The following SH3PXD2A variants were observed in gnomAD, a reference collection of about 807,000 sequenced individuals.
SH3PXD2A encodes the protein SH3 and PX domain-containing protein 2A.
In SH3PXD2A, 32 loss-of-function variants were observed where a neutral mutation model predicts 115.2. That is an observed-to-expected ratio of 0.28 (90% CI 0.21 to 0.37). The LOEUF is 0.37. Among genes scored for constraint, SH3PXD2A ranks in the 10% least tolerant of loss-of-function variants. SH3PXD2A has a pLI of 1.00. For missense variants in SH3PXD2A, 1,328 were observed against 1,498.7 expected (o/e 0.89, Z 1.88); for synonymous variants, 610 against 629.1 (o/e 0.97, Z 0.45).
chr10:103,753,166 T>C (rs77261516), intron 3 of SH3PXD2A, among the ~76,000 whole-genome samples: 7,722 of 151,758 alleles, frequency 0.051, 337 homozygotes, highest in Non-Finnish European at 0.073. Context: ...CAATCCCACT[T>C]TGTGGCAAGG....
At chr10:103,734,013 C>T (rs945492764) in intron 4 of SH3PXD2A, among the ~76,000 whole-genome samples, 2 of 152,056 alleles carry the variant, frequency 1.3e-5, no homozygotes, top group Non-Finnish European at 2.9e-5. Flanking sequence ...TGCAACAGCT[C>T]TGTATGAGGA....
In SH3PXD2A at chr10:103,631,847, G is replaced by A. The variant is rs181951502; in HGVS notation, c.605-4645C>T. Among the ~76,000 whole-genome samples, 8 of 152,238 alleles carry A rather than the reference G, an allele frequency of 5.3e-5. No homozygotes were observed. In the East Asian group the frequency reaches 1.5e-3, roughly 29 times the overall value. The stretch of plus-strand genomic sequence containing the variant: ...TAATGTCAGTAGCGGTCAGGTGGGG[G>A]TGGCTCATGCCTGTAATCCCAGCAC... On this transcript the variant is annotated intron_variant, in intron 8 of 14. Transcript: ENST00000369774.
intron 2 of SH3PXD2A, among the ~76,000 whole-genome samples, chr10:103,798,179 A>G (rs949441615): frequency 1.3e-5 from 2 of 152,156 alleles, no homozygotes; most frequent in Non-Finnish European, 2.9e-5. Flanking sequence ...ACAGGGGGGA[A>G]CCAAGGGTCT....
chr10:103,782,481 G>A (rs1199218741), intron 2 of SH3PXD2A, among the ~76,000 whole-genome samples: 1 of 152,166 alleles, frequency 6.6e-6, no homozygotes, highest in Non-Finnish European at 1.5e-5. Context: ...CGGAGGAGGA[G>A]GACAGCAGGC....
intron 2 of SH3PXD2A, among the ~76,000 whole-genome samples, chr10:103,790,247 C>T (rs1276814538): frequency 1.3e-5 from 2 of 151,938 alleles, no homozygotes; most frequent in South Asian, 4.2e-4. Context: ...CTCCGCCTCC[C>T]GGGTTCAAGC....
chr10:103,727,780 C>T (rs892639237), intron 4 of SH3PXD2A, among the ~76,000 whole-genome samples: 11 of 152,198 alleles, frequency 7.2e-5, no homozygotes, highest in Non-Finnish European at 1.2e-4. Flanking sequence ...CTTTATTTAA[C>T]GGGGAGCCCT....
chr10:103,804,898 C>T (rs987315427), intron 1 of SH3PXD2A, among the ~76,000 whole-genome samples: 1 of 152,116 alleles, frequency 6.6e-6, no homozygotes, highest in East Asian at 1.9e-4. Flanking sequence ...AGCTCCATCT[C>T]CCCTCCCACC....
rs1292206033 is a variant in SH3PXD2A at position 103,595,944 on chromosome 10, T to C, written c.*5872A>G. 1 of 152,616 alleles carries C rather than the reference T, an allele frequency of 6.6e-6. No individual in the cohort carries two copies. The highest frequency in any genetic ancestry group is 1.5e-5 in the Non-Finnish European group (1 of 68,028). 9.5% of individuals were successfully genotyped at this position (152,616 alleles called of 1,614,324 possible). The stretch of plus-strand genomic sequence containing the variant: ...GCTGTGGGTCACTGATCCTGTCTTC[T>C]CACTGGCTCTGATCATGCAGCTTGG... On this transcript the variant is annotated 3_prime_UTR_variant, in exon 15 of 15. Transcript: ENST00000369774.
intron 6 of SH3PXD2A, among the ~76,000 whole-genome samples, chr10:103,684,698 C>T (rs79941859): frequency 2.6e-5 from 4 of 152,180 alleles, no homozygotes; most frequent in African/African-American, 9.6e-5. Context: ...GGGTCTTGCT[C>T]TAAGCAAATT....
intron 5 of SH3PXD2A, among the ~76,000 whole-genome samples, chr10:103,697,979 G>T (rs1053209397): frequency 6.6e-6 from 1 of 152,174 alleles, no homozygotes; most frequent in South Asian, 2.1e-4. Context: ...TGAGGAGATT[G>T]AGGTCTGAGG....
In SH3PXD2A at chr10:103,606,535, C is replaced by T. The variant is rs139997547; in HGVS notation, c.1309-618G>A. Among the ~76,000 whole-genome samples, 1,235 of 148,616 alleles carry T rather than the reference C, an allele frequency of 8.3e-3. 20 individuals carry two copies. Among genetic ancestry groups the T allele is most frequent in the African/African-American group, 0.029 (1,176 of 40,636 alleles). On this transcript the variant is annotated intron_variant, in intron 13 of 14. Transcript: ENST00000369774. ...CTCCCTCTCTTTCCACGGTCTCCCT[C>T]GGATGCCGAGCCGAAGCTGGACTGT...
chr10:103,728,690 T>C (rs2038273424), intron 4 of SH3PXD2A, among the ~76,000 whole-genome samples: 2 of 152,158 alleles, frequency 1.3e-5, no homozygotes, highest in Admixed American at 6.5e-5. Flanking sequence ...AAGAAACCTG[T>C]AGAGCTTTGT....
rs1158698581 is a variant in SH3PXD2A at position 103,767,087 on chromosome 10, T to A, written c.229+7A>T. On this transcript the variant is annotated splice_region_variant and intron_variant, in intron 3 of 14. Transcript: ENST00000369774. ...CCCATCCCTGGGTGGAGCCACCCAA[T>A]GCTTACCTGGGAGGAAGGGGATGAT... 1 of 1,611,804 alleles carries A rather than the reference T, an allele frequency of 6.2e-7. No homozygotes were observed. The highest frequency in any genetic ancestry group is 8.5e-7 in the Non-Finnish European group (1 of 1,178,082).
intron 10 of SH3PXD2A, among the ~76,000 whole-genome samples, chr10:103,617,938 C>A (rs1451711094): frequency 6.6e-6 from 1 of 152,202 alleles, no homozygotes; most frequent in Non-Finnish European, 1.5e-5. Context: ...ACCCAGGTCT[C>A]ATGGAAGCAG....
chr10:103,775,715 G>C (rs576085695), intron 2 of SH3PXD2A, among the ~76,000 whole-genome samples: 1 of 152,156 alleles, frequency 6.6e-6, no homozygotes, highest in Non-Finnish European at 1.5e-5. Flanking sequence ...TTATTCCAGC[G>C]ACTTGAGGAT....
chr10:103,702,541 G>C (rs1209682220), intron 5 of SH3PXD2A, among the ~76,000 whole-genome samples: 1 of 152,078 alleles, frequency 6.6e-6, no homozygotes, highest in Admixed American at 6.6e-5. Flanking sequence ...TGGGGTGGAA[G>C]GGATGGTGTG....
intron 1 of SH3PXD2A, among the ~76,000 whole-genome samples, chr10:103,806,314 TCTG>T (rs2039202387): frequency 6.6e-6 from 1 of 151,932 alleles, no homozygotes; most frequent in South Asian, 2.1e-4. Context: ...CTCTCTCTCG[TCTG>T]CTTTCTTCCA....
At chr10:103,760,920 G>A (rs991927638) in intron 3 of SH3PXD2A, among the ~76,000 whole-genome samples, 5 of 152,132 alleles carry the variant, frequency 3.3e-5, no homozygotes, top group Non-Finnish European at 7.3e-5. Context: ...TTTATTATAT[G>A]CCTCTTTTGA....
At chr10:103,835,576 A>G (rs1197813591) in intron 1 of SH3PXD2A, among the ~76,000 whole-genome samples, 1 of 152,194 alleles carries the variant, frequency 6.6e-6, no homozygotes, top group African/African-American at 2.4e-5. Flanking sequence ...AAAACTAGAC[A>G]TAAAGTTCTT....
Sources: allele counts gnomAD v4.1 joint callset (sites outside exome capture counted in the v4.1 genomes callset), GRCh38; gene constraint gnomAD v4.1.1; transcripts MANE v1.5; gene names NCBI Gene and HGNC (gene_info 2026-07-23, HGNC 2026-07-21).